DLK1: variants seen among roughly 807,000 people sequenced by gnomAD.
DLK1 encodes protein delta homolog 1.
In DLK1, 9 loss-of-function variants were observed where a neutral mutation model predicts 35.2. The ratio of observed to expected loss-of-function variants is 0.26; its 90% CI spans 0.15 to 0.45. The LOEUF (loss-of-function observed/expected upper bound fraction) is 0.45, where lower values mean the gene tolerates loss of function less well. DLK1 is among the 20% of genes least tolerant of loss of function. The pLI is 1.00. For synonymous variants in DLK1, 231 were observed against 228.4 expected (o/e 1.01, Z -0.10); for missense variants, 522 against 528.5 (o/e 0.99, Z 0.12).
chr14:100,727,027 C>T lies in DLK1; in HGVS notation c.-42C>T. On this transcript the variant is annotated 5_prime_UTR_variant, in exon 1 of 5. Coordinates refer to ENST00000341267, the MANE Select transcript of DLK1 (RefSeq NM_003836.7). Reference sequence around the variant, plus strand: ...AGTGCGGCGCCAGGAGCCGGACCCGCGCCCGCACCGCTCCCGGGACCGCGA... The same window carrying T: ...AGTGCGGCGCCAGGAGCCGGACCCGTGCCCGCACCGCTCCCGGGACCGCGA... 6.5e-7 allele frequency: 1 copy of T among 1,535,842 alleles called. No homozygotes were observed. The highest frequency in any genetic ancestry group is 8.7e-7 in the Non-Finnish European group (1 of 1,144,604).
chr14:100,734,267 A>AC lies in DLK1; in HGVS notation c.528dup (p.Asn177GlnfsTer11), dbSNP rs1331816882. Reference sequence around the variant, plus strand: ...CTGCGAGATCGTGGCCAACAGCTGCACCCCCAACCCATGCGAGAACGACGG... The same window carrying AC: ...CTGCGAGATCGTGGCCAACAGCTGCACCCCCCAACCCATGCGAGAACGACGG... On this transcript the variant is annotated frameshift_variant, in exon 5 of 5. Transcript: ENST00000341267. LOFTEE classifies it high-confidence loss of function. The surrounding 1 kb of genome is among the most constrained non-coding windows in gnomAD (Gnocchi z 7.4). 1 of 1,613,306 alleles carries AC rather than the reference A, an allele frequency of 6.2e-7. No individual in the cohort carries two copies.
Position 100,734,144 on chromosome 14 carries a change from T to C in DLK1, c.405-5T>C, listed in dbSNP as rs1443174230. 1 of 1,595,436 alleles carries C rather than the reference T, an allele frequency of 6.3e-7. No homozygotes were observed. ...GCCGTTTACTATGTCCCTGTTGTGT[T>C]GCAGCTCCCCCTGCCAGCACGGAGG... On this transcript the variant is annotated splice_region_variant and splice_polypyrimidine_tract_variant and intron_variant, in intron 4 of 4. Coordinates refer to ENST00000341267, the MANE Select transcript of DLK1 (RefSeq NM_003836.7). This position sits in a 1 kb window ranked among gnomAD's most constrained non-coding sequence, Gnocchi z 7.4.
chr14:100,728,319 G>T (rs528252372), intron 1 of DLK1, 77 bp from the exon 2 acceptor site: 2 of 1,543,328 alleles, frequency 1.3e-6, no homozygotes. Context: ...GCAGTGGTGG[G>T]CTGTGTGGGC....
chr14:100,728,537 A>C, intron 2 of DLK1, 78 bp downstream of exon 2: 1 of 1,465,056 alleles, frequency 6.8e-7, no homozygotes. Flanking sequence ...GGCAGAAAAA[A>C]ATAGGGGGCT....
rs956409289 is a variant in DLK1 at position 100,730,662 on chromosome 14, G to A, written c.263-1380G>A. Among the ~76,000 whole-genome samples, 7 of 152,204 alleles carry A rather than the reference G, an allele frequency of 4.6e-5. No homozygotes were observed. In the East Asian group the frequency reaches 1.2e-3, roughly 25 times the overall value. ...CTGCAGGGACAAGCTGGGGGTGGTC[G>A]CCAGCTTTTTAGCTTAAATTTAAGA... On this transcript the variant is annotated intron_variant, in intron 3 of 4. Coordinates refer to ENST00000341267, the MANE Select transcript of DLK1 (RefSeq NM_003836.7).
At chr14:100,728,765 T>G in intron 2 of DLK1, 171 bp from the exon 3 acceptor site, 3 of 958,930 alleles carry the variant, frequency 3.1e-6, no homozygotes, top group Non-Finnish European at 4.7e-6. Context: ...GCTTGGCATG[T>G]TTTCTCTTTA....
At position 100,728,444 on chromosome 14, in the gene DLK1, A is replaced by G. The variant is rs1160747975; in HGVS notation, c.116A>G (p.Asp39Gly). 1.9e-6 allele frequency: 3 copies of G among 1,613,796 alleles called. No homozygotes were observed. Among genetic ancestry groups the G allele is most frequent in the East Asian group, 4.5e-5 (2 of 44,878 alleles). ...AACCCCCAAAATGGATTCTGCGAGG[A>G]TGACAATGTTTGCAGGTAATAGAGT... Reference protein sequence around the residue: ...ACNPQNGFCEDDNVCRCQPGW... With the variant: ...ACNPQNGFCEGDNVCRCQPGW... Residue 39 changes from aspartate (D) to glycine (G), a missense_variant, in exon 2 of 5, where the codon GAT (aspartate) becomes GGT (glycine). Asp to Gly is a moderately conservative substitution (Grantham distance 94, BLOSUM62 -1). Coordinates refer to ENST00000341267, the MANE Select transcript of DLK1 (RefSeq NM_003836.7).
At position 100,734,967 on chromosome 14, in the gene DLK1, C is replaced by A; in HGVS notation, c.*71C>A. On this transcript the variant is annotated 3_prime_UTR_variant, in exon 5 of 5. Coordinates refer to ENST00000341267, the MANE Select transcript of DLK1 (RefSeq NM_003836.7). The surrounding 1 kb of genome is among the most constrained non-coding windows in gnomAD (Gnocchi z 7.4). ...CTTACTATACGCGGTCTGTCCTAAT[C>A]TTTGTGGTGTTCGCTATCTCTTGTG... is the stretch of plus-strand genomic sequence containing the variant. The A allele has an allele frequency of 5.3e-6, 8 of 1,496,470 alleles. No individual in the cohort carries two copies. The highest frequency in any genetic ancestry group is 6.2e-6 in the Non-Finnish European group (7 of 1,128,784). 92.7% of individuals were successfully genotyped at this position (1,496,470 alleles called of 1,614,324 possible).
Position 100,734,252 on chromosome 14 carries a change from G to T in DLK1, c.508G>T (p.Val170Leu). Residue 170 changes from valine (V) to leucine (L), a missense_variant, in exon 5 of 5, where the codon GTG becomes TTG. By Grantham distance (32) the Val-to-Leu change is conservative (BLOSUM62 1). Coordinates refer to ENST00000341267, the MANE Select transcript of DLK1 (RefSeq NM_003836.7). The surrounding 1 kb of genome is among the most constrained non-coding windows in gnomAD (Gnocchi z 7.4). ...CTTCTCAGGCAATTTCTGCGAGATC[G>T]TGGCCAACAGCTGCACCCCCAACCC... is the stretch of plus-strand genomic sequence containing the variant. ...PGFSGNFCEI[V>L]ANSCTPNPCE... 1 of 1,613,406 alleles carries T rather than the reference G, an allele frequency of 6.2e-7. No homozygotes were observed. The highest frequency in any genetic ancestry group is 1.1e-5 in the South Asian group (1 of 91,086).
chr14:100,734,220 C>G lies in DLK1; in HGVS notation c.476C>G (p.Pro159Arg). 6.2e-7 allele frequency: 1 copy of G among 1,613,264 alleles called. No homozygotes were observed. Among genetic ancestry groups the G allele is most frequent in the Non-Finnish European group, 8.5e-7 (1 of 1,180,010 alleles). The stretch of plus-strand genomic sequence containing the variant: ...GCCTCCCATGCCTCCTGCCTGTGCC[C>G]CCCTGGCTTCTCAGGCAATTTCTGC... ...GRASHASCLC[P>R]PGFSGNFCEI... The change falls in exon 5 of 5, where the codon CCC becomes CGC. Residue 159 changes from proline to arginine, a missense_variant. Coordinates refer to ENST00000341267, the MANE Select transcript of DLK1 (RefSeq NM_003836.7). The surrounding 1 kb of genome is among the most constrained non-coding windows in gnomAD (Gnocchi z 7.4).
intron 2 of DLK1, 29 bp downstream of exon 2, chr14:100,728,488 T>C (rs751797755): frequency 6.2e-7 from 1 of 1,611,796 alleles, no homozygotes; most frequent in South Asian, 1.1e-5. Flanking sequence ...AGAGGCAGCT[T>C]GTAGGGGCCA....
rs2036558918 is a variant in DLK1, at chr14:100,735,232, T to C, written c.*336T>C. 1 of 206,890 alleles carries C rather than the reference T, an allele frequency of 4.8e-6. No homozygotes were observed. The allele number at this position is 206,890 out of a possible 1,614,324, so 12.8% of individuals were successfully genotyped here. A position where few individuals can be genotyped will look rare whatever the true frequency, so the allele number is the denominator to read the frequency against. On this transcript the variant is annotated 3_prime_UTR_variant, in exon 5 of 5. Transcript: ENST00000341267. ...AACCAGGGCTCAGTGCCGACGCCCC[T>C]ACCCTGGGGGTCTCGGCCACATGGT...
intron 3 of DLK1, among the ~76,000 whole-genome samples, chr14:100,731,587 G>A (rs1192150994): frequency 2.0e-5 from 3 of 152,058 alleles, no homozygotes; most frequent in Non-Finnish European, 4.4e-5. Context: ...AAGAGCTGGT[G>A]GTTTTTCTGA....
At chr14:100,733,909 C>T (rs2036536923) in intron 4 of DLK1, among the ~76,000 whole-genome samples, 1 of 149,810 alleles carries the variant, frequency 6.7e-6, no homozygotes, top group African/African-American at 2.5e-5. Context: ...GTGAGGTGGG[C>T]ACCCACCCAC....
Position 100,727,149 on chromosome 14 carries a change from C to A in DLK1, c.67+14C>A, listed in dbSNP as rs748378087. The A allele has an allele frequency of 1.3e-6, 2 of 1,560,662 alleles. No individual in the cohort carries two copies. The highest frequency in any genetic ancestry group is 8.7e-7 in the Non-Finnish European group (1 of 1,153,830). On this transcript the variant is annotated intron_variant, in intron 1 of 4. Coordinates refer to ENST00000341267, the MANE Select transcript of DLK1 (RefSeq NM_003836.7). ...ACAGCACCTATGGTGAGTTCCCCGG[C>A]GGCCCGGCTCGCGCCCCCTCTGGGG...
chr14:100,728,419 A>C lies in DLK1; in HGVS notation c.91A>C (p.Asn31His). The C allele has an allele frequency of 1.9e-6, 3 of 1,613,918 alleles. No homozygotes were observed. Among genetic ancestry groups the C allele is most frequent in the Non-Finnish European group, 2.5e-6 (3 of 1,179,894 alleles). The stretch of plus-strand genomic sequence containing the variant: ...AGGGGCTGAATGCTTCCCGGCCTGC[A>C]ACCCCCAAAATGGATTCTGCGAGGA... The part of the protein sequence containing the change: ...TYGAECFPAC[N>H]PQNGFCEDDN... The change falls in exon 2 of 5, where the codon AAC becomes CAC. Residue 31 changes from asparagine (N) to histidine (H), a missense_variant. Coordinates refer to ENST00000341267, the MANE Select transcript of DLK1 (RefSeq NM_003836.7).
Position 100,737,659 on chromosome 14 carries a change from AG to A in DLK1, c.*2769del, listed in dbSNP as rs2036588836. 1.3e-5 allele frequency: 2 copies of A among 153,368 alleles called. No homozygotes were observed. Among genetic ancestry groups the A allele is most frequent in the Admixed American group, 6.5e-5 (1 of 15,320 alleles). The allele number at this position is 153,368 out of a possible 1,614,324, so 9.5% of individuals were successfully genotyped here. ...CAGGCAGGACGAGGGGGCAGTCTGG[AG>A]GGGGGTGGACACACAGCTGTCCCCA... On this transcript the variant is annotated 3_prime_UTR_variant, in exon 5 of 5. Coordinates refer to ENST00000341267, the MANE Select transcript of DLK1 (RefSeq NM_003836.7).
chr14:100,728,415 C>G lies in DLK1; in HGVS notation c.87C>G (p.Ala29=), dbSNP rs2036462255. 1 of 1,613,872 alleles carries G rather than the reference C, an allele frequency of 6.2e-7. No individual in the cohort carries two copies. The highest frequency in any genetic ancestry group is 1.1e-5 in the South Asian group (1 of 91,078). ...CCTCAGGGGCTGAATGCTTCCCGGC[C>G]TGCAACCCCCAAAATGGATTCTGCG... ...HSTYGAECFP[A]CNPQNGFCED... The change falls in exon 2 of 5, where the codon GCC becomes GCG. Residue 29 remains alanine (A), a synonymous_variant. Transcript: ENST00000341267.
At position 100,734,545 on chromosome 14, in the gene DLK1, C is replaced by T. The variant is rs2139865125; in HGVS notation, c.801C>T (p.Arg267=). 1.2e-6 allele frequency: 2 copies of T among 1,612,878 alleles called. No individual in the cohort carries two copies. Among genetic ancestry groups the T allele is most frequent in the Non-Finnish European group, 1.7e-6 (2 of 1,179,714 alleles). Reference sequence around the variant, plus strand: ...CCAGCGGCTATGGGCTGGCCTACCGCCTGACCCCTGGGGTGCACGAGCTGC... The same window carrying T: ...CCAGCGGCTATGGGCTGGCCTACCGTCTGACCCCTGGGGTGCACGAGCTGC... ...RLPSGYGLAY[R]LTPGVHELPV... is the part of the protein sequence containing the mutation. The change falls in exon 5 of 5, where the codon CGC becomes CGT. Residue 267 remains arginine, a synonymous_variant. Coordinates refer to ENST00000341267, the MANE Select transcript of DLK1 (RefSeq NM_003836.7). The surrounding 1 kb of genome is among the most constrained non-coding windows in gnomAD (Gnocchi z 7.4).
Sources: allele counts gnomAD v4.1 joint callset (sites outside exome capture counted in the v4.1 genomes callset), GRCh38; gene constraint gnomAD v4.1.1; non-coding constraint Gnocchi (gnomAD v3.1); transcripts MANE v1.5; gene names NCBI Gene and HGNC (gene_info 2026-07-23, HGNC 2026-07-21).